BICD1: variants seen among roughly 807,000 people sequenced by gnomAD.
BICD1 encodes BICD cargo adaptor 1.
In BICD1, 35 loss-of-function variants were observed where a neutral mutation model predicts 92.5. The ratio of observed to expected loss-of-function variants is 0.38; its 90% CI spans 0.29 to 0.50. The LOEUF is 0.50. BICD1 is among the 20% of genes least tolerant of loss of function. BICD1 has a pLI of 0.93. For missense variants in BICD1, 950 were observed against 1,189.8 expected, an observed-to-expected ratio of 0.80 and a Z score of 2.97; for synonymous variants, 429 against 465.1, an observed-to-expected ratio of 0.92 and a Z score of 1.00.
intron 1 of BICD1, among the ~76,000 whole-genome samples, chr12:32,199,356 T>C (rs1336347129): frequency 3.3e-5 from 5 of 152,262 alleles, no homozygotes; most frequent in Admixed American, 2.0e-4. Flanking sequence ...CACATTGTTT[T>C]CTCCCATCCT....
chr12:32,151,068 T>G (rs766589560), intron 1 of BICD1, among the ~76,000 whole-genome samples: 2 of 152,172 alleles, frequency 1.3e-5, no homozygotes, highest in African/African-American at 4.8e-5. Context: ...CAGATGGTGG[T>G]GGGGTTGTTG....
At position 32,382,969 on chromosome 12, in the gene BICD1, A is replaced by G. The variant is rs1019145460; in HGVS notation, c.*5342A>G. 90 of 152,228 alleles carry G rather than the reference A, an allele frequency of 5.9e-4. No homozygotes were observed. Among genetic ancestry groups the G allele is most frequent in the African/African-American group, 2.0e-3 (84 of 41,580 alleles). The allele number at this position is 152,228 out of a possible 1,614,324, so 9.4% of individuals were successfully genotyped here. On this transcript the variant is annotated 3_prime_UTR_variant, in exon 10 of 10. Coordinates refer to ENST00000652176, the MANE Select transcript of BICD1 (RefSeq NM_001714.4). The stretch of plus-strand genomic sequence containing the variant: ...TATTCCCACAAAATGTTAAAGCTCA[A>G]TGGTTTGACTATGAGAGTCAAACAA...
chr12:32,359,761 T>C (rs2136319104), intron 8 of BICD1, among the ~76,000 whole-genome samples: 1 of 152,312 alleles, frequency 6.6e-6, no homozygotes, highest in Admixed American at 6.5e-5. Flanking sequence ...AAGAAATTTA[T>C]TAAACCTTTT....
intron 1 of BICD1, among the ~76,000 whole-genome samples, chr12:32,152,797 A>G (rs1472816059): frequency 6.6e-6 from 1 of 152,210 alleles, no homozygotes; most frequent in African/African-American, 2.4e-5. Context: ...TATGATAATA[A>G]TATAGTCAAA....
At position 32,369,468 on chromosome 12, in the gene BICD1, G is replaced by A. The variant is rs965053927; in HGVS notation, c.2840+1723G>A. ...TCAGTAGCAAGCTACATGTGGTCAG[G>A]GGTCAGAGCCAGGGGACCTGGGGTG... On this transcript the variant is annotated intron_variant, in intron 9 of 9. Coordinates refer to ENST00000652176, the MANE Select transcript of BICD1 (RefSeq NM_001714.4). 1.9e-4 allele frequency among the ~76,000 whole-genome samples: 29 copies of A among 152,264 alleles called. 1 individual carries two copies. The highest frequency in any genetic ancestry group is 7.3e-5 in the Non-Finnish European group (5 of 68,050).
chr12:32,154,118 A>C (rs1235886486), intron 1 of BICD1, among the ~76,000 whole-genome samples: 1 of 152,108 alleles, frequency 6.6e-6, no homozygotes, highest in Non-Finnish European at 1.5e-5. Flanking sequence ...AAAAACAGAC[A>C]AAAGACTCAC....
chr12:32,330,009 T>C (rs562315572), intron 5 of BICD1, among the ~76,000 whole-genome samples: 5 of 152,242 alleles, frequency 3.3e-5, no homozygotes, highest in African/African-American at 1.2e-4. Flanking sequence ...GAATAGTAGG[T>C]CAAGGGAGCT....
intron 4 of BICD1, among the ~76,000 whole-genome samples, chr12:32,316,286 CT>C (rs77628895): frequency 0.68 from 100,545 of 147,344 alleles, 34,355 homozygotes; most frequent in Middle Eastern, 0.8. Context: ...ATGATATTTT[CT>C]TTTTTTTTTT....
chr12:32,293,571 C>T (rs773617660), intron 2 of BICD1, among the ~76,000 whole-genome samples: 12 of 151,848 alleles, frequency 7.9e-5, no homozygotes, highest in Non-Finnish European at 1.6e-4. Context: ...CTCAGGTGAT[C>T]CACCTACCTT....
At chr12:32,115,359 C>T (rs1226071034) in intron 1 of BICD1, among the ~76,000 whole-genome samples, 1 of 146,594 alleles carries the variant, frequency 6.8e-6, no homozygotes, top group East Asian at 2.0e-4. Context: ...AACATATAGG[C>T]AGGGTTTTTG....
At chr12:32,189,698 A>AT (rs199713940) in intron 1 of BICD1, among the ~76,000 whole-genome samples, 7,994 of 140,542 alleles carry the variant, frequency 0.057, 333 homozygotes, top group African/African-American at 0.12. Context: ...AAGTGTAGTA[A>AT]TTTTTTTTTT....
intron 2 of BICD1, among the ~76,000 whole-genome samples, chr12:32,275,775 T>C (rs1418997286): frequency 2.0e-5 from 3 of 152,174 alleles, no homozygotes; most frequent in East Asian, 3.9e-4. Context: ...CCACTCCCGA[T>C]TGTGCTAAAA....
rs1565673246 is a variant in BICD1 at position 32,327,533 on chromosome 12, G to T, written c.1078G>T (p.Ala360Ser). 6.2e-7 allele frequency: 1 copy of T among 1,614,130 alleles called. No homozygotes were observed. The highest frequency in any genetic ancestry group is 8.5e-7 in the Non-Finnish European group (1 of 1,180,008). The stretch of plus-strand genomic sequence containing the variant: ...GACACAGCTGGAACACACCAAGGGG[G>T]CACTGACGGAGCAGCATGAGCGGGT... The part of the protein sequence containing the change: ...SQTQLEHTKG[A>S]LTEQHERVHR... Residue 360 changes from alanine to serine, a missense_variant, in exon 5 of 10, where the codon GCA becomes TCA. Physicochemically the swap from Ala to Ser is moderately conservative, Grantham distance 99 (BLOSUM62 1). Transcript: ENST00000652176.
At chr12:32,244,775 C>T (rs184461367) in intron 2 of BICD1, among the ~76,000 whole-genome samples, 15 of 152,024 alleles carry the variant, frequency 9.9e-5, no homozygotes, top group Admixed American at 4.6e-4. Context: ...ACTACAGGCA[C>T]GTGCCACCAT....
intron 1 of BICD1, among the ~76,000 whole-genome samples, chr12:32,180,288 C>G (rs1349878224): frequency 6.6e-6 from 1 of 151,906 alleles, no homozygotes; most frequent in Non-Finnish European, 1.5e-5. Context: ...TTTCCCAGCT[C>G]TGGTTTTCCA....
chr12:32,259,826 C>A (rs536826975), intron 2 of BICD1, among the ~76,000 whole-genome samples: 5 of 152,056 alleles, frequency 3.3e-5, no homozygotes, highest in Admixed American at 6.5e-5. Flanking sequence ...TCAGTAACAT[C>A]TTTCTGCAGA....
intron 1 of BICD1, among the ~76,000 whole-genome samples, chr12:32,143,372 A>T (rs757523933): frequency 1.3e-5 from 2 of 152,146 alleles, no homozygotes; most frequent in Admixed American, 6.6e-5. Context: ...ATCACACATA[A>T]TTTAGTTTTT....
chr12:32,202,542 G>A (rs945372194), intron 1 of BICD1, among the ~76,000 whole-genome samples: 28 of 152,242 alleles, frequency 1.8e-4, no homozygotes, highest in Non-Finnish European at 3.2e-4. Context: ...TTCATTTACA[G>A]ATTGCCATTA....
intron 2 of BICD1, among the ~76,000 whole-genome samples, chr12:32,221,376 TAA>T (rs1353577390): frequency 6.7e-6 from 1 of 150,368 alleles, no homozygotes; most frequent in East Asian, 2.0e-4. Context: ...AATAAATAAA[TAA>T]AAATAAATAA....
Sources: gnomAD v4.1 joint callset for allele counts (sites outside exome capture counted in the v4.1 genomes callset) on GRCh38, gnomAD v4.1.1 for gene constraint, MANE v1.5 for transcripts, NCBI Gene and HGNC (gene_info 2026-07-23, HGNC 2026-07-21) for gene names.